The following GJB7 variants were observed in gnomAD, a reference collection of about 807,000 sequenced individuals.
GJB7 encodes the protein gap junction protein beta 7.
For synonymous variants in GJB7, 87 were observed against 95.2 expected, an observed-to-expected ratio of 0.91 and a Z score of 0.50; for missense variants, 253 against 256.8, an observed-to-expected ratio of 0.99 and a Z score of 0.10.
At chr6:87,291,518 A>G (rs1056643293) in intron 2 of GJB7, among the ~76,000 whole-genome samples, 3 of 152,128 alleles carry the variant, frequency 2.0e-5, no homozygotes, top group African/African-American at 7.2e-5. Flanking sequence ...AAATGTCCCT[A>G]GAAGATCCTG....
chr6:87,314,031 T>TTAAG (rs764672042), intron 2 of GJB7, among the ~76,000 whole-genome samples: 1 of 152,232 alleles, frequency 6.6e-6, no homozygotes, highest in Non-Finnish European at 1.5e-5. Context: ...AGTTCATCTG[T>TTAAG]TAAGCTCTGG....
rs145509349 is a variant in GJB7 at position 87,299,972 on chromosome 6, G to T, written c.-27-15033C>A. ...TTCAGATGGAGTAGCAGTGCTGAAG[G>T]CTGGTGGGACAAGTGATGTCAAAGT... On this transcript the variant is annotated intron_variant, in intron 2 of 2. Coordinates refer to ENST00000525899, the MANE Select transcript of GJB7 (RefSeq NM_198568.3). 430 of 330,810 alleles carry T rather than the reference G, an allele frequency of 1.3e-3. 2 individuals are homozygous for T. Among genetic ancestry groups the T allele is most frequent in the African/African-American group, 8.8e-3 (410 of 46,452 alleles). The allele number at this position is 330,810 out of a possible 1,614,324, so 20.5% of individuals were successfully genotyped here.
intron 2 of GJB7, among the ~76,000 whole-genome samples, chr6:87,309,416 C>T (rs1022180229): frequency 6.6e-6 from 1 of 152,212 alleles, no homozygotes; most frequent in African/African-American, 2.4e-5. Context: ...TCGTGGACTT[C>T]CCACTCCAGC....
At position 87,304,475 on chromosome 6, in the gene GJB7, GA is replaced by G. The variant is rs1776388987; in HGVS notation, c.-28+18390del. Among the ~76,000 whole-genome samples the G allele has an allele frequency of 3.3e-5, 5 of 152,254 alleles. No individual in the cohort carries two copies. The South Asian group carries it at 1.0e-3, about 32-fold the overall frequency. On this transcript the variant is annotated intron_variant, in intron 2 of 2. Coordinates refer to ENST00000525899, the MANE Select transcript of GJB7 (RefSeq NM_198568.3). ...ATACACCCTCCCAAGACTAAACCAG[GA>G]AGAAGTTGAATCCCTGAATAGACCA... is the stretch of plus-strand genomic sequence containing the variant.
intron 2 of GJB7, among the ~76,000 whole-genome samples, chr6:87,300,996 A>C (rs1469026569): frequency 3.9e-5 from 6 of 152,248 alleles, no homozygotes; most frequent in Non-Finnish European, 8.8e-5. Context: ...AAATGACAAG[A>C]TGGAAAATTT....
At chr6:87,302,450 A>T (rs995099911) in intron 2 of GJB7, among the ~76,000 whole-genome samples, 4 of 152,244 alleles carry the variant, frequency 2.6e-5, no homozygotes, top group African/African-American at 9.6e-5. Context: ...CAAATGAATG[A>T]AATGAAGCGA....
chr6:87,297,086 T>C (rs771684032), intron 2 of GJB7, among the ~76,000 whole-genome samples: 4 of 152,258 alleles, frequency 2.6e-5, no homozygotes, highest in Non-Finnish European at 5.9e-5. Context: ...CTTTCTACTG[T>C]AATTTTTCCT....
chr6:87,289,298 A>G (rs1582553867), intron 2 of GJB7, among the ~76,000 whole-genome samples: 1 of 152,136 alleles, frequency 6.6e-6, no homozygotes, highest in African/African-American at 2.4e-5. Context: ...CATGCCACTT[A>G]TAAGTTGTAA....
chr6:87,304,423 A>G (rs1352268379), intron 2 of GJB7, among the ~76,000 whole-genome samples: 1 of 152,252 alleles, frequency 6.6e-6, no homozygotes, highest in Admixed American at 6.5e-5. Flanking sequence ...TAGAAAATCT[A>G]GAAGAAATGG....
At chr6:87,318,066 G>A (rs933744166) in intron 2 of GJB7, among the ~76,000 whole-genome samples, 1 of 150,014 alleles carries the variant, frequency 6.7e-6, no homozygotes, top group Admixed American at 6.6e-5. Flanking sequence ...AAATTATATG[G>A]AAGAAAAAGA....
At chr6:87,304,540 AC>A (rs527298014) in intron 2 of GJB7, among the ~76,000 whole-genome samples, 1 of 152,364 alleles carries the variant, frequency 6.6e-6, no homozygotes, top group East Asian at 1.9e-4. Flanking sequence ...TTAATAGACT[AC>A]CAACCAAAAA....
intron 2 of GJB7, among the ~76,000 whole-genome samples, chr6:87,290,094 ATCCAATGCTTACC>A (rs1233506406): frequency 6.6e-6 from 1 of 152,124 alleles, no homozygotes; most frequent in Non-Finnish European, 1.5e-5. Flanking sequence ...ACAGCATCTC[ATCCAATGCTTACC>A]TCCATCCTCA....
chr6:87,316,728 G>C (rs1003063674), intron 2 of GJB7, among the ~76,000 whole-genome samples: 2 of 152,142 alleles, frequency 1.3e-5, no homozygotes, highest in Non-Finnish European at 2.9e-5. Flanking sequence ...GTCTCCTGCT[G>C]TACTCATTCC....
chr6:87,305,289 C>G (rs1251849084), intron 2 of GJB7, among the ~76,000 whole-genome samples: 4 of 151,910 alleles, frequency 2.6e-5, no homozygotes, highest in Non-Finnish European at 5.9e-5. Flanking sequence ...ATTGTCTCAG[C>G]CCAAAATCTC....
chr6:87,311,703 A>C (rs1776514392), intron 2 of GJB7, among the ~76,000 whole-genome samples: 1 of 152,236 alleles, frequency 6.6e-6, no homozygotes, highest in Admixed American at 6.5e-5. Flanking sequence ...TGTTTACCTC[A>C]GTAAGCAAAC....
chr6:87,318,631 A>G (rs1776616853), intron 2 of GJB7, among the ~76,000 whole-genome samples: 1 of 152,214 alleles, frequency 6.6e-6, no homozygotes, highest in Non-Finnish European at 1.5e-5. Context: ...TGCTAATATC[A>G]TATTAGCAAA....
intron 2 of GJB7, among the ~76,000 whole-genome samples, chr6:87,306,465 C>G (rs1776429042): frequency 6.6e-6 from 1 of 152,140 alleles, no homozygotes; most frequent in South Asian, 2.1e-4. Flanking sequence ...CAAATCAAAA[C>G]CACAATGAGA....
At chr6:87,321,239 A>C (rs1168996031) in intron 2 of GJB7, among the ~76,000 whole-genome samples, 1 of 152,090 alleles carries the variant, frequency 6.6e-6, no homozygotes, top group Non-Finnish European at 1.5e-5. Context: ...AAAAAAAAAA[A>C]AAAAAGATCT....
intron 1 of GJB7, among the ~76,000 whole-genome samples, chr6:87,328,099 G>C (rs1006682240): frequency 1.3e-5 from 2 of 152,134 alleles, no homozygotes; most frequent in Non-Finnish European, 2.9e-5. Flanking sequence ...TTGGTTTTCA[G>C]CTCCATCAGC....
Sources: gnomAD v4.1 joint callset for allele counts (sites outside exome capture counted in the v4.1 genomes callset) on GRCh38, gnomAD v4.1.1 for gene constraint, MANE v1.5 for transcripts, NCBI Gene and HGNC (gene_info 2026-07-23, HGNC 2026-07-21) for gene names.